The following MYO16 variants were observed in gnomAD, a reference collection of about 807,000 sequenced individuals.
The protein encoded by MYO16 is myosin XVI, also known as unconventional myosin-XVI.
In MYO16, 94 loss-of-function variants were observed where a neutral mutation model predicts 205.3. The ratio of observed to expected loss-of-function variants is 0.46; its 90% confidence interval spans 0.39 to 0.54. The LOEUF is 0.54. Ranked by LOEUF, MYO16 falls within the 20% of genes least tolerant of loss-of-function variation. The pLI is 0.00. For synonymous variants in MYO16, 988 were observed against 954.0 expected (o/e 1.04, Z -0.66); for missense variants, 2,315 against 2,387.5 (o/e 0.97, Z 0.63).
At chr13:108,509,358 C>G in the MYO16 span, among the ~76,000 whole-genome samples, 19,422 of 152,030 alleles carry the variant, frequency 0.13, 1,401 homozygotes, top group East Asian at 0.23. Context: ...TTACAAAGTA[C>G]AAATAATTCA....
intron 21 of MYO16, among the ~76,000 whole-genome samples, chr13:108,999,215 A>G (rs950068302): frequency 2.0e-5 from 3 of 152,224 alleles, no homozygotes; most frequent in Non-Finnish European, 2.9e-5. Context: ...CTGCTGATCA[A>G]TTGATACACA....
chr13:108,495,983 C>T, the MYO16 span, among the ~76,000 whole-genome samples: 1 of 152,116 alleles, frequency 6.6e-6, no homozygotes, highest in Non-Finnish European at 1.5e-5. Context: ...GGCGGGGCAG[C>T]CTCTCCGAGT....
chr13:108,632,490 C>CTGTT (rs1880032820), intron 1 of MYO16, among the ~76,000 whole-genome samples: 2 of 152,130 alleles, frequency 1.3e-5, no homozygotes, highest in Admixed American at 1.3e-4. Flanking sequence ...TCGCAAGGAA[C>CTGTT]TGTTAGTCAC....
intron 5 of MYO16, among the ~76,000 whole-genome samples, chr13:108,787,193 G>T (rs1208929595): frequency 3.9e-5 from 6 of 152,056 alleles, no homozygotes; most frequent in African/African-American, 1.4e-4. Context: ...GAGGAAATTT[G>T]AAGGTGATGG....
chr13:108,899,307 C>A (rs970726769), intron 15 of MYO16, among the ~76,000 whole-genome samples: 8 of 151,764 alleles, frequency 5.3e-5, no homozygotes, highest in African/African-American at 1.9e-4. Flanking sequence ...CCTGTAATCC[C>A]AGCTACTTGG....
chr13:108,700,740 A>G (rs1200524446), intron 2 of MYO16, among the ~76,000 whole-genome samples: 4 of 152,216 alleles, frequency 2.6e-5, no homozygotes, highest in Non-Finnish European at 4.4e-5. Flanking sequence ...TACAAACAGG[A>G]AGCTGGCCAA....
At chr13:109,107,429 T>C (rs1292282511) in intron 28 of MYO16, among the ~76,000 whole-genome samples, 1 of 152,170 alleles carries the variant, frequency 6.6e-6, no homozygotes, top group Non-Finnish European at 1.5e-5. Context: ...TAACATTACA[T>C]AAAATCAGTT....
chr13:108,687,131 A>C (rs1882711339), intron 2 of MYO16, among the ~76,000 whole-genome samples: 1 of 152,246 alleles, frequency 6.6e-6, no homozygotes, highest in African/African-American at 2.4e-5. Flanking sequence ...GATTCCACAC[A>C]ATGGAAGAAG....
intron 2 of MYO16, among the ~76,000 whole-genome samples, chr13:108,681,506 C>T (rs1487628525): frequency 6.6e-6 from 1 of 152,210 alleles, no homozygotes; most frequent in Non-Finnish European, 1.5e-5. Flanking sequence ...GGAGGTTGTA[C>T]TGAGCCAAGG....
intron 1 of MYO16, among the ~76,000 whole-genome samples, chr13:108,602,791 C>A (rs1878813201): frequency 6.6e-6 from 1 of 152,130 alleles, no homozygotes; most frequent in African/African-American, 2.4e-5. Context: ...CAATGGAATC[C>A]ATTTTCCATC....
At chr13:109,067,063 G>A (rs578224870) in intron 27 of MYO16, among the ~76,000 whole-genome samples, 5 of 152,246 alleles carry the variant, frequency 3.3e-5, no homozygotes, top group South Asian at 4.1e-4. Flanking sequence ...AAATCAGAAC[G>A]TCAGTGTAAC....
At chr13:108,597,501 C>T (rs1300586216) in intron 1 of MYO16, among the ~76,000 whole-genome samples, 3 of 151,192 alleles carry the variant, frequency 2.0e-5, no homozygotes, top group African/African-American at 7.4e-5. Context: ...TCTCCTATCA[C>T]CCCATTGTGT....
chr13:109,066,701 C>T (rs7318469), intron 27 of MYO16, among the ~76,000 whole-genome samples: 75,888 of 151,830 alleles, frequency 0.5, 18,992 homozygotes, highest in Middle Eastern at 0.56. Flanking sequence ...TCTGATCCAG[C>T]TGCTCAACTG....
intron 7 of MYO16, among the ~76,000 whole-genome samples, chr13:108,812,225 C>T (rs7998969): frequency 0.016 from 2,400 of 151,548 alleles, 59 homozygotes; most frequent in African/African-American, 0.052. Flanking sequence ...GTACAAGCAC[C>T]CTGCATATCC....
At chr13:108,954,151 A>T (rs1398440049) in intron 16 of MYO16, among the ~76,000 whole-genome samples, 1 of 152,234 alleles carries the variant, frequency 6.6e-6, no homozygotes, top group African/African-American at 2.4e-5. Context: ...AAAAAGTAAA[A>T]TAAAATGGAG....
chr13:109,139,963 G>A (rs1876961733), intron 31 of MYO16, among the ~76,000 whole-genome samples: 2 of 151,680 alleles, frequency 1.3e-5, no homozygotes, highest in African/African-American at 4.8e-5. Flanking sequence ...AGGGGGGTGG[G>A]TGGGTAGCAG....
At chr13:109,001,198 A>C (rs1885200467) in intron 21 of MYO16, among the ~76,000 whole-genome samples, 1 of 151,768 alleles carries the variant, frequency 6.6e-6, no homozygotes, top group Admixed American at 6.6e-5. Context: ...AAAAAAAGAA[A>C]AGGAAGAGAA....
the MYO16 span, among the ~76,000 whole-genome samples, chr13:108,537,492 T>A: frequency 6.6e-6 from 1 of 152,146 alleles, no homozygotes; most frequent in Non-Finnish European, 1.5e-5. Flanking sequence ...GATATAACAA[T>A]CCTTTTCTTT....
At chr13:109,153,634 C>G (rs1367704716) in intron 32 of MYO16, among the ~76,000 whole-genome samples, 1 of 152,104 alleles carries the variant, frequency 6.6e-6, no homozygotes, top group Non-Finnish European at 1.5e-5. Context: ...TGGTGTGGGC[C>G]TGTAGTCCCA....
Sources: allele counts gnomAD v4.1 joint callset (sites outside exome capture counted in the v4.1 genomes callset), GRCh38; gene constraint gnomAD v4.1.1; transcripts MANE v1.5; gene names NCBI Gene and HGNC (gene_info 2026-07-23, HGNC 2026-07-21).